Variants in ROBO2 observed in about 807,000 individuals in gnomAD.
ROBO2 encodes the protein roundabout guidance receptor 2.
In ROBO2, 53 loss-of-function variants were observed where a neutral mutation model predicts 160.8. That is an observed-to-expected ratio of 0.33 (90% confidence interval 0.26 to 0.41). The LOEUF (loss-of-function observed/expected upper bound fraction) is 0.41, where lower values mean the gene tolerates loss of function less well. Among genes scored for constraint, ROBO2 ranks in the 10% least tolerant of loss-of-function variants. The probability of loss-of-function intolerance (pLI) is 1.00; values close to 1 mark genes in which losing one functional copy is unlikely to be tolerated. For missense variants in ROBO2, 1,577 were observed against 1,722.4 expected (o/e 0.92, Z 1.49); for synonymous variants, 664 against 611.7 (o/e 1.09, Z -1.26).
intron 2 of ROBO2, among the ~76,000 whole-genome samples, chr3:76,449,788 A>C (rs957243325): frequency 1.1e-4 from 16 of 152,182 alleles, no homozygotes; most frequent in Admixed American, 7.2e-4. Flanking sequence ...CTGGTTCAGC[A>C]TCATTAGGTT....
At chr3:76,405,350 A>G (rs945490512) in intron 2 of ROBO2, among the ~76,000 whole-genome samples, 1 of 151,656 alleles carries the variant, frequency 6.6e-6, no homozygotes, top group African/African-American at 2.4e-5. Context: ...ATTGGGGCCA[A>G]TGAATGTTTA....
Position 76,322,464 on chromosome 3 carries a change from T to A in ROBO2, c.109+384862T>A, listed in dbSNP as rs369840704. ...AGAGTTCTTCATATCATAATCACAT[T>A]ATTGGATGATCTTTAAGATTTACTG... is the stretch of plus-strand genomic sequence containing the variant. On this transcript the variant is annotated intron_variant, in intron 2 of 26. Coordinates refer to the ROBO2 transcript ENST00000487694. Among the ~76,000 whole-genome samples the A allele has an allele frequency of 6.6e-5, 10 of 151,966 alleles. No homozygotes were observed. In the South Asian group the frequency reaches 2.1e-3, roughly 32 times the overall value.
At chr3:77,326,141 AC>A in intron 2 of ROBO2, among the ~76,000 whole-genome samples, 1 of 152,342 alleles carries the variant, frequency 6.6e-6, no homozygotes, top group African/African-American at 2.4e-5. Context: ...TTCTGGAGTA[AC>A]CGTGTATCCA....
At chr3:76,600,908 A>T (rs778328145) in intron 2 of ROBO2, among the ~76,000 whole-genome samples, 1 of 152,122 alleles carries the variant, frequency 6.6e-6, no homozygotes, top group Non-Finnish European at 1.5e-5. Flanking sequence ...CCCACCTATG[A>T]GCCTGTAAAA....
At chr3:77,040,841 T>A in exon 1 of ROBO2, 1 of 1,614,166 alleles carries the variant, frequency 6.2e-7, no homozygotes, top group Non-Finnish European at 8.5e-7. Flanking sequence ...TATGTTCGGG[T>A]TGATGGTAAG....
At chr3:77,318,006 A>T (rs572594330) in intron 2 of ROBO2, among the ~76,000 whole-genome samples, 4 of 150,082 alleles carry the variant, frequency 2.7e-5, no homozygotes, top group African/African-American at 7.5e-5. Context: ...GATTTATTTT[A>T]TTTTATGTTA....
intron 2 of ROBO2, among the ~76,000 whole-genome samples, chr3:76,625,442 C>G (rs1165176440): frequency 1.3e-5 from 2 of 151,792 alleles, no homozygotes; most frequent in East Asian, 3.9e-4. Flanking sequence ...TTTTGTAAAG[C>G]ATACATGTAC....
intron 2 of ROBO2, among the ~76,000 whole-genome samples, chr3:76,084,337 G>T (rs2068936677): frequency 6.6e-6 from 1 of 152,058 alleles, no homozygotes; most frequent in Admixed American, 6.6e-5. Flanking sequence ...ACAGCCACCG[G>T]AGTCCTAATT....
chr3:76,341,366 A>G (rs1029243993), intron 2 of ROBO2, among the ~76,000 whole-genome samples: 1 of 147,746 alleles, frequency 6.8e-6, no homozygotes, highest in Non-Finnish European at 1.5e-5. Context: ...TCCAGCCCAC[A>G]GCTTGTTTCG....
chr3:77,476,921 A>G (rs1357344795), intron 2 of ROBO2, among the ~76,000 whole-genome samples: 1 of 152,084 alleles, frequency 6.6e-6, no homozygotes, highest in East Asian at 1.9e-4. Flanking sequence ...AGTGTAATGA[A>G]AACAGTGTGG....
intron 2 of ROBO2, among the ~76,000 whole-genome samples, chr3:76,286,779 G>A (rs1040983657): frequency 1.3e-5 from 2 of 152,058 alleles, no homozygotes; most frequent in African/African-American, 2.4e-5. Context: ...AAGATGAGGC[G>A]GTAGTTGCAT....
chr3:76,157,995 T>C (rs1346072302), intron 2 of ROBO2, among the ~76,000 whole-genome samples: 2 of 152,140 alleles, frequency 1.3e-5, no homozygotes, highest in Non-Finnish European at 2.9e-5. Flanking sequence ...TTTGTATATA[T>C]TAGTAATCTC....
chr3:76,876,770 A>C (rs2072776048), intron 2 of ROBO2, among the ~76,000 whole-genome samples: 1 of 152,234 alleles, frequency 6.6e-6, no homozygotes, highest in Admixed American at 6.5e-5. Flanking sequence ...TAATTAATGC[A>C]CAAGTGTTTA....
intron 2 of ROBO2, among the ~76,000 whole-genome samples, chr3:76,272,778 A>AC (rs1208101219): frequency 2.2e-4 from 6 of 27,862 alleles, no homozygotes; most frequent in Non-Finnish European, 3.1e-4. Flanking sequence ...ATTTATATAT[A>AC]AAATATATAA....
At chr3:77,157,526 T>C (rs1279138509) in intron 2 of ROBO2, among the ~76,000 whole-genome samples, 3 of 152,094 alleles carry the variant, frequency 2.0e-5, no homozygotes, top group Non-Finnish European at 4.4e-5. Context: ...AGCAGTTCTT[T>C]ACACATCTTC....
At chr3:76,894,180 C>T (rs534122183) in intron 2 of ROBO2, among the ~76,000 whole-genome samples, 1 of 152,198 alleles carries the variant, frequency 6.6e-6, no homozygotes, top group South Asian at 2.1e-4. Flanking sequence ...ATTACCAATA[C>T]TTGCATTACA....
chr3:76,677,050 T>C (rs2092428966), intron 2 of ROBO2, among the ~76,000 whole-genome samples: 1 of 152,148 alleles, frequency 6.6e-6, no homozygotes, highest in Non-Finnish European at 1.5e-5. Flanking sequence ...TTAAAACTGG[T>C]ACTGTATACA....
rs138820075 is a variant in ROBO2 at position 77,279,031 on chromosome 3, T to C, written c.388+180691T>C. Among the ~76,000 whole-genome samples the C allele has an allele frequency of 3.5e-3, 535 of 152,238 alleles. 3 individuals are homozygous for C. The highest frequency in any genetic ancestry group is 0.012 in the African/African-American group (488 of 41,570). On this transcript the variant is annotated intron_variant, in intron 2 of 25. Coordinates refer to ENST00000461745, the Ensembl canonical transcript of ROBO2. ...CAAAGGGTTAGAGATGCTAATCATATTCCTTAGATTCTAGACCTCGATATT... is the reference window on the plus strand; with the variant it reads ...CAAAGGGTTAGAGATGCTAATCATACTCCTTAGATTCTAGACCTCGATATT...
intron 2 of ROBO2, among the ~76,000 whole-genome samples, chr3:75,968,161 G>A (rs1427769462): frequency 1.3e-5 from 2 of 151,546 alleles, no homozygotes; most frequent in African/African-American, 4.8e-5. Flanking sequence ...AAGATTTGCT[G>A]TTCTGTTTGT....
Sources: gnomAD v4.1 joint callset for allele counts (sites outside exome capture counted in the v4.1 genomes callset) on GRCh38, gnomAD v4.1.1 for gene constraint, MANE v1.5 for transcripts, NCBI Gene and HGNC (gene_info 2026-07-23, HGNC 2026-07-21) for gene names.